Variants in SEL1L2 observed in about 807,000 individuals in gnomAD.
SEL1L2 encodes the protein SEL1L2 adaptor subunit of SYVN1 ubiquitin ligase.
SEL1L2 carries 89 observed loss-of-function variants against 98.8 expected under a neutral mutation model. The observed-to-expected ratio is 0.90, with a 90% confidence interval of 0.76 to 1.07. The LOEUF (loss-of-function observed/expected upper bound fraction) is 1.07, where lower values mean the gene tolerates loss of function less well. Ranked by LOEUF, SEL1L2 falls within the 50% of genes least tolerant of loss-of-function variation. The pLI is 0.00. For synonymous variants in SEL1L2, 262 were observed against 278.5 expected (o/e 0.94, Z 0.59); for missense variants, 788 against 812.0 (o/e 0.97, Z 0.36).
intron 5 of SEL1L2, among the ~76,000 whole-genome samples, chr20:13,890,801 G>C (rs1204670750): frequency 6.6e-6 from 1 of 151,986 alleles, no homozygotes; most frequent in Non-Finnish European, 1.5e-5. Flanking sequence ...AACACAATGA[G>C]AATATCAACA....
rs573200694 is a variant in SEL1L2 at position 13,918,805 on chromosome 20, G to A, written c.386+216C>T. Among the ~76,000 whole-genome samples, 9 of 152,168 alleles carry A rather than the reference G, an allele frequency of 5.9e-5. No homozygotes were observed. The East Asian group carries it at 1.5e-3, about 26-fold the overall frequency. On this transcript the variant is annotated intron_variant, in intron 4 of 19. Transcript: ENST00000284951. ...CTTAATTCTCAATTTCACTTAATAC[G>A]GGGACTGCAATCTCACATGCAGTTC...
chr20:13,906,041 A>AT, intron 5 of SEL1L2, among the ~76,000 whole-genome samples: 1 of 151,842 alleles, frequency 6.6e-6, no homozygotes, highest in African/African-American at 2.4e-5. Context: ...TACCCAGCTA[A>AT]TTTTTTGTAT....
intron 1 of SEL1L2, among the ~76,000 whole-genome samples, chr20:13,977,796 A>C (rs540549489): frequency 1.7e-4 from 26 of 152,332 alleles, no homozygotes; most frequent in Non-Finnish European, 2.9e-5. Context: ...ATTGTTTGAT[A>C]CAGAAACCTT....
At chr20:13,978,263 G>A (rs1377963429) in intron 1 of SEL1L2, among the ~76,000 whole-genome samples, 2 of 152,188 alleles carry the variant, frequency 1.3e-5, no homozygotes, top group Non-Finnish European at 2.9e-5. Flanking sequence ...AAAGGACACT[G>A]TCTTCAACAA....
At position 13,877,608 on chromosome 20, in the gene SEL1L2, T is replaced by C. The variant is rs138905672; in HGVS notation, c.958-20A>G. 1.7e-4 allele frequency: 266 copies of C among 1,592,342 alleles called. 1 individual carries two copies. The African/African-American group carries it at 3.3e-3, about 20-fold the overall frequency. ...TGCTTTCTGGAGAGAAAAGGAACAG[T>C]GTTATTGCTAGTCACAAAATAAATC... is the stretch of plus-strand genomic sequence containing the variant. On this transcript the variant is annotated intron_variant, in intron 10 of 19. Transcript: ENST00000284951.
chr20:13,926,278 G>A (rs981489438), intron 3 of SEL1L2, among the ~76,000 whole-genome samples: 4 of 152,066 alleles, frequency 2.6e-5, no homozygotes, highest in South Asian at 2.1e-4. Context: ...TGGCGCCACT[G>A]CACTCCAGCC....
upstream of SEL1L2, among the ~76,000 whole-genome samples, chr20:13,993,210 G>C (rs2052572771): frequency 6.6e-6 from 1 of 152,210 alleles, no homozygotes; most frequent in Non-Finnish European, 1.5e-5. Context: ...AATGCTGTTG[G>C]AAAGTAGTGA....
At position 13,849,574 on chromosome 20, in the gene SEL1L2, C is replaced by T; in HGVS notation, c.1978G>A (p.Asp660Asn). 1.9e-6 allele frequency: 3 copies of T among 1,614,032 alleles called. No homozygotes were observed. The highest frequency in any genetic ancestry group is 3.3e-5 in the Admixed American group (2 of 59,986). The change falls in exon 20 of 20, where the codon GAC becomes AAC. Residue 660 changes from aspartate to asparagine, a missense_variant. Transcript: ENST00000284951. ...FTTRWNWLKL[D>N]NTIGPHWDLF... ...TCCCAGTGTGGTCCAATGGTGTTGT[C>T]CAGTTTCAGCCAGTTCCATCTCGTT...
intron 3 of SEL1L2, among the ~76,000 whole-genome samples, chr20:13,929,310 T>C (rs2049027199): frequency 6.6e-6 from 1 of 152,014 alleles, no homozygotes; most frequent in Admixed American, 6.6e-5. Flanking sequence ...ACTGACTTAG[T>C]ACTTTTAGAT....
rs1290459148 is a variant in SEL1L2 at position 13,983,499 on chromosome 20, CTTTTGTTTTTTGTTTTGT to C, written c.58+6960_58+6977del. Among the ~76,000 whole-genome samples, 5 of 151,782 alleles carry C rather than the reference CTTTTGTTTTTTGTTTTGT, an allele frequency of 3.3e-5. No homozygotes were observed. The East Asian group carries it at 9.7e-4, about 29-fold the overall frequency. On this transcript the variant is annotated intron_variant, in intron 1 of 19. Coordinates refer to ENST00000284951, the MANE Select transcript of SEL1L2 (RefSeq NM_025229.2). ...TGAATCTTAGGTCTTTTAGCACTAG[CTTTTGTTTTTTGTTTTGT>C]TTTTGTTTTTGTTTTTTTTTGAGAC...
chr20:13,900,416 G>C (rs1401084039), intron 5 of SEL1L2, among the ~76,000 whole-genome samples: 2 of 152,094 alleles, frequency 1.3e-5, no homozygotes, highest in Non-Finnish European at 1.5e-5. Flanking sequence ...GGGTTTTCTG[G>C]TACACACTGA....
At chr20:13,932,222 C>T (rs2148317718) in intron 2 of SEL1L2, among the ~76,000 whole-genome samples, 1 of 151,984 alleles carries the variant, frequency 6.6e-6, no homozygotes, top group Admixed American at 6.5e-5. Flanking sequence ...AAGTCCTTTT[C>T]AGAAGTTATA....
chr20:13,954,835 G>A (rs1304543009), intron 2 of SEL1L2, among the ~76,000 whole-genome samples: 1 of 152,166 alleles, frequency 6.6e-6, no homozygotes, highest in Non-Finnish European at 1.5e-5. Flanking sequence ...AGAAATGGAT[G>A]TTCCTTCATT....
intron 3 of SEL1L2, among the ~76,000 whole-genome samples, chr20:13,925,063 C>T (rs563890660): frequency 1.3e-5 from 2 of 152,096 alleles, no homozygotes; most frequent in East Asian, 3.9e-4. Flanking sequence ...TGCTTAAACC[C>T]GGGAGAAGGA....
intron 1 of SEL1L2, among the ~76,000 whole-genome samples, chr20:13,960,385 G>T (rs1372975919): frequency 6.6e-6 from 1 of 152,096 alleles, no homozygotes; most frequent in Non-Finnish European, 1.5e-5. Flanking sequence ...GATAAGTGTA[G>T]ATAAAAGAAT....
chr20:13,994,566 T>G (rs771332313), upstream of SEL1L2, among the ~76,000 whole-genome samples: 1 of 152,166 alleles, frequency 6.6e-6, no homozygotes, highest in Non-Finnish European at 1.5e-5. Context: ...ATCTGATATA[T>G]AGAAACACAA....
upstream of SEL1L2, chr20:13,995,047 G>C (rs1178690753): frequency 2.6e-5 from 4 of 152,332 alleles, no homozygotes; most frequent in African/African-American, 9.6e-5. This position sits in a 1 kb window ranked among gnomAD's most constrained non-coding sequence, Gnocchi z 4.3. Context: ...CCTCAACAGG[G>C]CAGTTGGAGT....
At chr20:13,908,032 C>T (rs575576664) in intron 5 of SEL1L2, among the ~76,000 whole-genome samples, 12 of 150,930 alleles carry the variant, frequency 8.0e-5, no homozygotes, top group Non-Finnish European at 1.5e-4. Context: ...AGTGATCTCC[C>T]GCCTCAGCCT....
Position 13,956,147 on chromosome 20 carries a change from T to A in SEL1L2, c.59-16A>T, listed in dbSNP as rs955596956. On this transcript the variant is annotated splice_polypyrimidine_tract_variant and intron_variant, in intron 1 of 19. Coordinates refer to ENST00000284951, the MANE Select transcript of SEL1L2 (RefSeq NM_025229.2). ...GCTTTGATAGCTGCAATACACAAAA[T>A]TTTTTTATAAAATTTAAAAGCATTT... 3 of 1,389,544 alleles carry A rather than the reference T, an allele frequency of 2.2e-6. No individual in the cohort carries two copies. The highest frequency in any genetic ancestry group is 1.5e-5 in the African/African-American group (1 of 67,798). 86.1% of individuals were successfully genotyped at this position (1,389,544 alleles called of 1,614,324 possible). A position where few individuals can be genotyped will look rare whatever the true frequency, so the allele number is the denominator to read the frequency against.
Sources: gnomAD v4.1 joint callset for allele counts (sites outside exome capture counted in the v4.1 genomes callset) on GRCh38, gnomAD v4.1.1 for gene constraint, Gnocchi (gnomAD v3.1) non-coding constraint, MANE v1.5 for transcripts, NCBI Gene and HGNC (gene_info 2026-07-23, HGNC 2026-07-21) for gene names.